The following MSI2 variants were observed in gnomAD, a reference collection of about 807,000 sequenced individuals.
The protein encoded by MSI2 is musashi RNA binding protein 2.
Under a neutral mutation model 45.6 loss-of-function variants are expected in MSI2, and 17 were observed. That is an observed-to-expected ratio of 0.37 (90% CI 0.26 to 0.56). The LOEUF is 0.56. MSI2 is among the 20% of genes least tolerant of loss of function. The pLI is 0.77. For synonymous variants in MSI2, 156 were observed against 158.2 expected (o/e 0.99, Z 0.11); for missense variants, 293 against 444.2 (o/e 0.66, Z 3.06).
intron 13 of MSI2, among the ~76,000 whole-genome samples, chr17:57,678,963 A>G (rs942811972): frequency 3.9e-5 from 6 of 152,186 alleles, no homozygotes; most frequent in Non-Finnish European, 8.8e-5. Context: ...CAGTAAACAC[A>G]TCTGTGAATC....
At chr17:57,554,035 G>C (rs1397103779) in intron 7 of MSI2, among the ~76,000 whole-genome samples, 1 of 152,102 alleles carries the variant, frequency 6.6e-6, no homozygotes, top group Admixed American at 6.5e-5. Flanking sequence ...CCTAACTAGA[G>C]AGGTTTGCAA....
At chr17:57,588,905 G>A (rs956729086) in intron 7 of MSI2, among the ~76,000 whole-genome samples, 12 of 152,196 alleles carry the variant, frequency 7.9e-5, no homozygotes, top group African/African-American at 1.9e-4. Context: ...TCAGTTCTTC[G>A]TCTGTGAAGT....
chr17:57,308,430 T>C (rs1912101741), intron 5 of MSI2, among the ~76,000 whole-genome samples: 1 of 152,206 alleles, frequency 6.6e-6, no homozygotes, highest in Non-Finnish European at 1.5e-5. Context: ...ATGAAGCAGT[T>C]TTAATTGCCC....
At chr17:57,264,060 GC>G (rs1907556067) in intron 5 of MSI2, 1 of 152,214 alleles carries the variant, frequency 6.6e-6, no homozygotes, top group Non-Finnish European at 1.5e-5. Flanking sequence ...TGATGACATA[GC>G]TCTCCCAGAA....
intron 7 of MSI2, among the ~76,000 whole-genome samples, chr17:57,569,443 G>C (rs1174874227): frequency 6.6e-6 from 1 of 152,210 alleles, no homozygotes; most frequent in Non-Finnish European, 1.5e-5. Context: ...CATGAGGAGA[G>C]TCATGAGAAT....
chr17:57,588,884 C>T (rs1904557654), intron 7 of MSI2, among the ~76,000 whole-genome samples: 1 of 152,170 alleles, frequency 6.6e-6, no homozygotes, highest in Non-Finnish European at 1.5e-5. Context: ...ACACAGGGTC[C>T]CACTGGGGCC....
At chr17:57,262,308 G>T in intron 5 of MSI2, 116 bp downstream of exon 5, 2 of 1,150,966 alleles carry the variant, frequency 1.7e-6, no homozygotes, top group Non-Finnish European at 2.6e-6. Flanking sequence ...TGTTCCTTCG[G>T]GGTATCAGGA....
downstream of MSI2, among the ~76,000 whole-genome samples, chr17:57,687,241 AG>A (rs1913905487): frequency 6.6e-6 from 1 of 151,222 alleles, no homozygotes; most frequent in African/African-American, 2.4e-5. Flanking sequence ...TTTTTGGGGG[AG>A]GTGAAGGAAT....
chr17:57,606,001 G>T (rs1906530563), intron 8 of MSI2, among the ~76,000 whole-genome samples: 1 of 152,210 alleles, frequency 6.6e-6, no homozygotes, highest in Admixed American at 6.5e-5. Context: ...AGCTGCTGCT[G>T]CCACCATCAG....
intron 5 of MSI2, among the ~76,000 whole-genome samples, chr17:57,307,222 G>A (rs1484957522): frequency 6.6e-6 from 1 of 152,176 alleles, no homozygotes; most frequent in African/African-American, 2.4e-5. Flanking sequence ...ATGTATTGCT[G>A]TGAAAGTATT....
intron 6 of MSI2, among the ~76,000 whole-genome samples, chr17:57,512,295 T>C (rs1268759832): frequency 6.6e-6 from 1 of 152,198 alleles, no homozygotes; most frequent in Non-Finnish European, 1.5e-5. Flanking sequence ...ATGAATGGAT[T>C]CTAAAGGTAG....
At chr17:57,392,802 A>G (rs1464812945) in intron 5 of MSI2, among the ~76,000 whole-genome samples, 1 of 152,072 alleles carries the variant, frequency 6.6e-6, no homozygotes, top group Non-Finnish European at 1.5e-5. Context: ...TTTCTTGGAC[A>G]TGTGGGCTTA....
intron 5 of MSI2, among the ~76,000 whole-genome samples, chr17:57,315,068 A>C (rs1912742876): frequency 6.6e-6 from 1 of 151,962 alleles, no homozygotes; most frequent in Non-Finnish European, 1.5e-5. Context: ...TCACCAGGTA[A>C]TTTTTCTGTG....
intron 10 of MSI2, among the ~76,000 whole-genome samples, chr17:57,634,974 C>A (rs139618637): frequency 1.3e-5 from 2 of 152,226 alleles, no homozygotes; most frequent in African/African-American, 4.8e-5. Flanking sequence ...GGTCACATGA[C>A]CAGTTTCAGC....
At chr17:57,647,276 A>C (rs1191111020) in intron 10 of MSI2, among the ~76,000 whole-genome samples, 28 of 66,918 alleles carry the variant, frequency 4.2e-4, no homozygotes, top group Admixed American at 8.2e-4. Flanking sequence ...TAAAAATACA[A>C]AAAAAAAAAA....
chr17:57,461,243 C>CAG (rs2143619919), intron 6 of MSI2, among the ~76,000 whole-genome samples: 1 of 152,322 alleles, frequency 6.6e-6, no homozygotes, highest in South Asian at 2.1e-4. Context: ...GCTCCACACA[C>CAG]AGACAGCATT....
At chr17:57,685,444 GC>G (rs1256784525), downstream of MSI2, 3 of 152,332 alleles carry the variant, frequency 2.0e-5, no homozygotes, top group East Asian at 5.8e-4. Context: ...CCCCAGGAAA[GC>G]TGTATTCTCC....
chr17:57,592,038 G>C (rs1407297552), intron 7 of MSI2, among the ~76,000 whole-genome samples: 1 of 151,852 alleles, frequency 6.6e-6, no homozygotes, highest in African/African-American at 2.4e-5. Context: ...CGGGTGCGGT[G>C]GCGTGTACCT....
At chr17:57,269,165 A>G (rs1429506438) in intron 5 of MSI2, among the ~76,000 whole-genome samples, 1 of 152,182 alleles carries the variant, frequency 6.6e-6, no homozygotes, top group African/African-American at 2.4e-5. Context: ...CCTTCCGGCT[A>G]GGCACTAGGA....
Sources: gnomAD v4.1 joint callset for allele counts (sites outside exome capture counted in the v4.1 genomes callset) on GRCh38, gnomAD v4.1.1 for gene constraint, MANE v1.5 for transcripts, NCBI Gene and HGNC (gene_info 2026-07-23, HGNC 2026-07-21) for gene names.